Variants in EHBP1 observed in about 807,000 individuals in gnomAD.
EHBP1 encodes EH domain binding protein 1.
A neutral mutation model predicts 144.0 loss-of-function variants in EHBP1; 55 were observed. The observed-to-expected ratio is 0.38, with a 90% confidence interval of 0.31 to 0.48. The LOEUF (loss-of-function observed/expected upper bound fraction) is 0.48, where lower values mean the gene tolerates loss of function less well. EHBP1 is among the 20% of genes least tolerant of loss of function. EHBP1 has a pLI of 0.98. For synonymous variants in EHBP1, 469 were observed against 472.7 expected, an observed-to-expected ratio of 0.99 and a Z score of 0.10; for missense variants, 1,200 against 1,364.2, an observed-to-expected ratio of 0.88 and a Z score of 1.90.
At chr2:62,949,385 A>G (rs1446388486) in intron 13 of EHBP1, among the ~76,000 whole-genome samples, 1 of 152,156 alleles carries the variant, frequency 6.6e-6, no homozygotes. Context: ...CCTGGGTAAC[A>G]TAGCGAGTCC....
At chr2:62,986,649 G>A (rs2059204321) in intron 15 of EHBP1, among the ~76,000 whole-genome samples, 1 of 151,936 alleles carries the variant, frequency 6.6e-6, no homozygotes, top group Admixed American at 6.6e-5. Context: ...ATGTTGGCCA[G>A]GCTGGTCTTG....
At chr2:62,722,695 T>C (rs1274948773) in intron 2 of EHBP1, among the ~76,000 whole-genome samples, 1 of 152,206 alleles carries the variant, frequency 6.6e-6, no homozygotes, top group Non-Finnish European at 1.5e-5. Flanking sequence ...CACTTGACAC[T>C]TCTTAAGTGT....
intron 10 of EHBP1, among the ~76,000 whole-genome samples, chr2:62,877,497 G>T (rs769933741): frequency 3.3e-5 from 5 of 152,066 alleles, no homozygotes; most frequent in Non-Finnish European, 7.4e-5. Context: ...TGACTAAATG[G>T]ACCTAACAGA....
At chr2:62,844,482 A>G (rs1316690723) in intron 7 of EHBP1, among the ~76,000 whole-genome samples, 3 of 152,148 alleles carry the variant, frequency 2.0e-5, no homozygotes. Flanking sequence ...CTGGAGAAAA[A>G]ATGCCTTTTA....
chr2:62,676,710 T>C (rs1478956778), intron 1 of EHBP1, among the ~76,000 whole-genome samples: 5 of 146,252 alleles, frequency 3.4e-5, no homozygotes, highest in Non-Finnish European at 6.1e-5. Flanking sequence ...ACCATATTCC[T>C]TTTTTTTTTT....
At chr2:62,971,091 G>A (rs1559002422) in intron 14 of EHBP1, among the ~76,000 whole-genome samples, 1 of 152,134 alleles carries the variant, frequency 6.6e-6, no homozygotes, top group Non-Finnish European at 1.5e-5. Flanking sequence ...GCAGATTGTA[G>A]ACCATTTCAG....
chr2:62,699,817 C>T (rs1218526841), intron 1 of EHBP1, among the ~76,000 whole-genome samples: 7 of 152,266 alleles, frequency 4.6e-5, no homozygotes, highest in African/African-American at 1.4e-4. Flanking sequence ...TTAGTCCTGC[C>T]GAATCACCAG....
rs201434475 is a variant in EHBP1 at position 62,979,252 on chromosome 2, G to T, written c.2525G>T (p.Arg842Leu). Residue 842 changes from arginine (R) to leucine (L), a missense_variant, in exon 15 of 23, where the codon CGA (arginine) becomes CTA (leucine). This residue lies in a region of EHBP1 where 543 missense variants were observed against 513.1 expected (regional missense o/e 1.06). Transcript: ENST00000431489. Reference protein sequence around the residue: ...ERARQLIAEARSGVKMSELPS... With the variant: ...ERARQLIAEALSGVKMSELPS... ...GCTCGTCAGCTAATAGCAGAAGCTC[G>T]ATCTGGAGTGAAGATGTCAGAACTT... is the stretch of plus-strand genomic sequence containing the variant. The T allele has an allele frequency of 1.2e-6, 2 of 1,613,928 alleles. No individual in the cohort carries two copies. Among genetic ancestry groups the T allele is most frequent in the East Asian group, 2.2e-5 (1 of 44,838 alleles).
intron 5 of EHBP1, among the ~76,000 whole-genome samples, chr2:62,821,554 G>A (rs1250551833): frequency 2.0e-5 from 3 of 151,830 alleles, no homozygotes; most frequent in African/African-American, 7.3e-5. Context: ...AGATGTGGGT[G>A]GTGTAGTCCC....
intron 1 of EHBP1, among the ~76,000 whole-genome samples, chr2:62,675,907 C>A (rs1308428716): frequency 6.6e-6 from 1 of 151,428 alleles, no homozygotes; most frequent in Non-Finnish European, 1.5e-5. Flanking sequence ...TGCGTACCAC[C>A]ATGGCCCACA....
intron 10 of EHBP1, among the ~76,000 whole-genome samples, chr2:62,899,404 A>T (rs2053218571): frequency 6.6e-6 from 1 of 152,228 alleles, no homozygotes. Context: ...TGTAATGTTT[A>T]GTATCTCCTG....
At chr2:62,714,034 G>A (rs1429659255) in intron 2 of EHBP1, among the ~76,000 whole-genome samples, 1 of 152,114 alleles carries the variant, frequency 6.6e-6, no homozygotes, top group South Asian at 2.1e-4. Context: ...TATGCCTCTA[G>A]ATCAAGAGTT....
chr2:62,744,830 A>G (rs2039005906), intron 2 of EHBP1, among the ~76,000 whole-genome samples: 1 of 152,048 alleles, frequency 6.6e-6, no homozygotes, highest in Admixed American at 6.6e-5. Context: ...TGTGTAGGGG[A>G]CACACTCTCA....
intron 19 of EHBP1, among the ~76,000 whole-genome samples, chr2:63,014,717 C>T (rs1471189149): frequency 6.6e-6 from 1 of 152,202 alleles, no homozygotes; most frequent in African/African-American, 2.4e-5. Context: ...CAGGCTCACG[C>T]CTGTAATCCC....
At chr2:62,974,475 C>T (rs915676397) in intron 14 of EHBP1, among the ~76,000 whole-genome samples, 3 of 152,130 alleles carry the variant, frequency 2.0e-5, no homozygotes, top group South Asian at 4.1e-4. Context: ...GACAACTTTG[C>T]GTATACCCTT....
At chr2:63,014,758 A>G (rs1282843546) in intron 19 of EHBP1, among the ~76,000 whole-genome samples, 1 of 152,214 alleles carries the variant, frequency 6.6e-6, no homozygotes, top group Non-Finnish European at 1.5e-5. Flanking sequence ...CAGGTGGATC[A>G]CCTGAGGTCG....
chr2:62,866,948 G>A (rs1409553349), intron 9 of EHBP1, among the ~76,000 whole-genome samples: 1 of 151,994 alleles, frequency 6.6e-6, no homozygotes, highest in African/African-American at 2.4e-5. Flanking sequence ...ACTCAAGCCA[G>A]AAGACAATGA....
chr2:63,024,699 C>G (rs936590157), intron 19 of EHBP1, among the ~76,000 whole-genome samples: 4 of 151,594 alleles, frequency 2.6e-5, no homozygotes, highest in Non-Finnish European at 5.9e-5. Context: ...CAAAGTTATA[C>G]TGAACATTGC....
intron 5 of EHBP1, among the ~76,000 whole-genome samples, chr2:62,824,266 A>G (rs974496570): frequency 1.4e-4 from 22 of 152,006 alleles, no homozygotes; most frequent in African/African-American, 4.8e-4. Context: ...TAAGGGATCA[A>G]TGTCATACTT....
Sources: allele counts gnomAD v4.1 joint callset (sites outside exome capture counted in the v4.1 genomes callset), GRCh38; gene constraint gnomAD v4.1.1; regional missense constraint gnomAD v4.1.1; transcripts MANE v1.5; gene names NCBI Gene and HGNC (gene_info 2026-07-23, HGNC 2026-07-21).